The following KIF4A variants were observed in gnomAD, a reference collection of about 807,000 sequenced individuals.
KIF4A encodes the protein chromosome-associated kinesin KIF4A.
KIF4A carries 7 observed loss-of-function variants against 105.9 expected under a neutral mutation model. That is an observed-to-expected ratio of 0.07 (90% CI 0.04 to 0.12). The LOEUF is 0.12. Ranked by LOEUF, KIF4A falls within the 10% of genes least tolerant of loss-of-function variation. The probability of loss-of-function intolerance (pLI) is 1.00; values close to 1 mark genes in which losing one functional copy is unlikely to be tolerated. For missense variants in KIF4A, 558 were observed against 929.2 expected (o/e 0.60, Z 5.19); for synonymous variants, 281 against 331.3 (o/e 0.85, Z 1.65).
intron 28 of KIF4A, among the ~76,000 whole-genome samples, chrX:70,414,051 G>A (rs1174175290): frequency 1.8e-5 from 2 of 111,064 alleles, no homozygotes; most frequent in Non-Finnish European, 3.8e-5. Flanking sequence ...CTTGTCAGTC[G>A]TGGTACAGTT....
At chrX:70,315,567 TG>T (rs1376316906) in intron 7 of KIF4A, among the ~76,000 whole-genome samples, 1 of 111,810 alleles carries the variant, frequency 8.9e-6, no homozygotes, top group Non-Finnish European at 1.9e-5. Flanking sequence ...TTAGGTGTAT[TG>T]TTATTTTCCT....
chrX:70,338,312 C>A (rs1444553778), intron 10 of KIF4A, among the ~76,000 whole-genome samples: 2 of 112,075 alleles, frequency 1.8e-5, no homozygotes, highest in Non-Finnish European at 3.8e-5. Context: ...TGCCATCACT[C>A]TCATTCCCAC....
chrX:70,410,111 CTGGTTTCTCTAAAGT>C (rs2086316212), intron 28 of KIF4A, among the ~76,000 whole-genome samples: 1 of 112,212 alleles, frequency 8.9e-6, no homozygotes, highest in South Asian at 3.7e-4. Flanking sequence ...AGCATAAAAT[CTGGTTTCTCTAAAGT>C]TACCTTTTGG....
At chrX:70,397,356 A>G (rs1010498934) in intron 22 of KIF4A, among the ~76,000 whole-genome samples, 1 of 111,283 alleles carries the variant, frequency 9.0e-6, no homozygotes, top group Non-Finnish European at 1.9e-5. Context: ...ACAGAGTGAG[A>G]TTCTGTCTCA....
chrX:70,373,902 A>G (rs1207378886), intron 15 of KIF4A, among the ~76,000 whole-genome samples: 1 of 102,214 alleles, frequency 9.8e-6, no homozygotes, highest in Non-Finnish European at 2.0e-5. Flanking sequence ...AAACTAAAAG[A>G]TGAAGTGACT....
At position 70,297,113 on chromosome X, in the gene KIF4A, G is replaced by A; in HGVS notation, c.351G>A (p.Arg117=). Residue 117 remains arginine, a synonymous_variant, in exon 4 of 31, where the codon AGG becomes AGA. Transcript: ENST00000374403. ...ENEPTVGVIP[R]VIQLLFKEID... is the part of the protein sequence containing the mutation. ...AACCAACAGTTGGGGTTATTCCTAGGGTAATACAACTGCTCTTCAAAGAAA... is the reference window on the plus strand; with the variant it reads ...AACCAACAGTTGGGGTTATTCCTAGAGTAATACAACTGCTCTTCAAAGAAA... 4 of 1,210,515 alleles carry A rather than the reference G, an allele frequency of 3.3e-6. No homozygotes were observed. The highest frequency in any genetic ancestry group is 4.5e-6 in the Non-Finnish European group (4 of 894,481).
chrX:70,354,628 A>C (rs2086043882), intron 15 of KIF4A, among the ~76,000 whole-genome samples: 1 of 112,608 alleles, frequency 8.9e-6, no homozygotes, highest in Admixed American at 9.4e-5. Flanking sequence ...ATTGGACTGC[A>C]GTTGTCCTAG....
rs761892246 is a variant in KIF4A at position 70,353,644 on chromosome X, C to T, written c.1511C>T (p.Thr504Met). 1.7e-5 allele frequency: 20 copies of T among 1,208,319 alleles called. No individual in the cohort carries two copies. Among genetic ancestry groups the T allele is most frequent in the East Asian group, 1.2e-4 (4 of 33,766 alleles). Residue 504 changes from threonine to methionine, a missense_variant, in exon 15 of 31, where the codon ACG (threonine) becomes ATG (methionine). This residue lies in a region of KIF4A where 469 missense variants were observed against 680.4 expected (regional missense o/e 0.69). Coordinates refer to ENST00000374403, the MANE Select transcript of KIF4A (RefSeq NM_012310.5). ...QEAQVETSPE[T>M]SRSSDAFTTQ... ...CAGCAAGTAGAAACCAGTCCAGAGACGAGCAGGTCTTCTGACGCTTTTACC... is the reference window on the plus strand; with the variant it reads ...CAGCAAGTAGAAACCAGTCCAGAGATGAGCAGGTCTTCTGACGCTTTTACC...
At chrX:70,351,843 C>T (rs948783097) in intron 13 of KIF4A, among the ~76,000 whole-genome samples, 3 of 111,916 alleles carry the variant, frequency 2.7e-5, no homozygotes, top group South Asian at 3.8e-4. Context: ...CTGCAACCTC[C>T]GCCCCCCAGG....
At chrX:70,319,414 A>C (rs1252579552) in intron 7 of KIF4A, among the ~76,000 whole-genome samples, 1 of 111,527 alleles carries the variant, frequency 9.0e-6, no homozygotes, top group Non-Finnish European at 1.9e-5. Flanking sequence ...GATATGATGC[A>C]GGGTCCAGTT....
In KIF4A at chrX:70,374,173, T is replaced by C. The variant is rs1232507555; in HGVS notation, c.1697T>C (p.Leu566Ser). ...QYQDNIKELE[L>S]EVINLQKEKE... is the part of the protein sequence containing the mutation. ...TAGGATAACATAAAAGAGCTAGAAT[T>C]AGAAGTCATCAATCTGCAAAAGGAA... Residue 566 changes from leucine (L) to serine (S), a missense_variant, in exon 16 of 31, where the codon TTA becomes TCA. By Grantham distance (145) the Leu-to-Ser change is moderately radical. Transcript: ENST00000374403. 8.4e-7 allele frequency: 1 copy of C among 1,192,254 alleles called. No individual in the cohort carries two copies. The highest frequency in any genetic ancestry group is 2.2e-5 in the Admixed American group (1 of 45,870).
chrX:70,416,492 G>A (rs1342856407), intron 28 of KIF4A, among the ~76,000 whole-genome samples: 4 of 107,261 alleles, frequency 3.7e-5, no homozygotes, highest in Admixed American at 1.0e-4. Flanking sequence ...TTGACACCAC[G>A]TCCAGCTAAT....
Position 70,330,258 on chromosome X carries a change from G to A in KIF4A, c.997G>A (p.Ala333Thr). 8.3e-7 allele frequency: 1 copy of A among 1,211,440 alleles called. No individual in the cohort carries two copies. The highest frequency in any genetic ancestry group is 1.1e-6 in the Non-Finnish European group (1 of 895,270). ...AAATACCCTTCGCTATGCTGACAGA[G>A]CAAGAAAAATCAAGAACAAACCTAT... The part of the protein sequence containing the change: ...TLNTLRYADR[A>T]RKIKNKPIVN... Residue 333 changes from alanine to threonine, a missense_variant, in exon 9 of 31, where the codon GCA becomes ACA. Ala to Thr is a moderately conservative substitution (Grantham distance 58). Transcript: ENST00000374403.
intron 23 of KIF4A, among the ~76,000 whole-genome samples, chrX:70,403,569 T>C (rs1269582186): frequency 8.8e-6 from 1 of 113,073 alleles, no homozygotes; most frequent in Non-Finnish European, 1.9e-5. Context: ...ACTATTCGGG[T>C]TAGCTTTATT....
intron 7 of KIF4A, among the ~76,000 whole-genome samples, chrX:70,306,203 G>C (rs1192017771): frequency 8.9e-6 from 1 of 112,113 alleles, no homozygotes; most frequent in Non-Finnish European, 1.9e-5. Flanking sequence ...GAAGCAACTG[G>C]TCTCTATTCC....
intron 15 of KIF4A, among the ~76,000 whole-genome samples, chrX:70,372,399 G>T (rs1359160319): frequency 8.9e-6 from 1 of 112,982 alleles, no homozygotes; most frequent in African/African-American, 3.2e-5. Flanking sequence ...CCGGCACCTC[G>T]GGAGGCCGAG....
chrX:70,292,328 C>T (rs1388929115), intron 3 of KIF4A, among the ~76,000 whole-genome samples: 1 of 112,501 alleles, frequency 8.9e-6, no homozygotes, highest in East Asian at 2.8e-4. Context: ...GTTTTGCTGT[C>T]TCTTTAGTCT....
intron 28 of KIF4A, among the ~76,000 whole-genome samples, chrX:70,412,905 G>A (rs1362681129): frequency 6.1e-5 from 6 of 97,911 alleles, no homozygotes; most frequent in African/African-American, 2.1e-4. Context: ...CAGCCTGGGT[G>A]ACAGAGTGAG....
chrX:70,299,267 C>T, intron 5 of KIF4A, 65 bp downstream of exon 5: 1 of 881,891 alleles, frequency 1.1e-6, no homozygotes, highest in Non-Finnish European at 1.6e-6. Flanking sequence ...AAGTTCACAT[C>T]CCTTTTATCT....
Sources: allele counts gnomAD v4.1 joint callset (sites outside exome capture counted in the v4.1 genomes callset), GRCh38; gene constraint gnomAD v4.1.1; regional missense constraint gnomAD v4.1.1; transcripts MANE v1.5; gene names NCBI Gene and HGNC (gene_info 2026-07-23, HGNC 2026-07-21).